The following MPP7 variants were observed in gnomAD, a reference collection of about 807,000 sequenced individuals.
MPP7 encodes MAGUK p55 subfamily member 7.
MPP7 carries 60 observed loss-of-function variants against 76.5 expected under a neutral mutation model. The observed-to-expected ratio is 0.78, with a 90% CI of 0.64 to 0.97. The LOEUF is 0.97. Ranked by LOEUF, MPP7 falls within the 50% of genes least tolerant of loss-of-function variation. The pLI is 0.00. For missense variants in MPP7, 641 were observed against 694.0 expected, an observed-to-expected ratio of 0.92 and a Z score of 0.86; for synonymous variants, 237 against 244.5, an observed-to-expected ratio of 0.97 and a Z score of 0.29.
In MPP7 at chr10:28,051,254, A is replaced by C. The variant is rs1247445246; in HGVS notation, c.*2811T>G. On this transcript the variant is annotated 3_prime_UTR_variant, in exon 17 of 17. Transcript: ENST00000683449. ...AATCCTTCCTAGTCAAAATAAAATA[A>C]TAAAAATCTGTATCTTTAGAAAGAA... The C allele has an allele frequency of 6.6e-6, 1 of 152,220 alleles. No individual in the cohort carries two copies. The highest frequency in any genetic ancestry group is 1.5e-5 in the Non-Finnish European group (1 of 68,034). 9.4% of individuals were successfully genotyped at this position (152,220 alleles called of 1,614,324 possible).
At chr10:28,213,809 AAGAGAG>A (rs1211589640) in intron 2 of MPP7, among the ~76,000 whole-genome samples, 21 of 136,528 alleles carry the variant, frequency 1.5e-4, no homozygotes, top group South Asian at 2.3e-4. Flanking sequence ...AAAAAAAAAA[AAGAGAG>A]AGAGAGAGAG....
At chr10:28,280,150 C>T (rs1010074444) in intron 1 of MPP7, 14 of 151,936 alleles carry the variant, frequency 9.2e-5, no homozygotes, top group African/African-American at 3.1e-4. Flanking sequence ...CCTAACAGGA[C>T]AAAAATAAAG....
chr10:28,193,212 T>C (rs1472007311), intron 3 of MPP7, among the ~76,000 whole-genome samples: 1 of 139,178 alleles, frequency 7.2e-6, no homozygotes, highest in Non-Finnish European at 1.5e-5. Context: ...TGGTTGGTTT[T>C]TTGTTTTTTT....
chr10:28,249,760 C>G (rs780442742), intron 1 of MPP7, among the ~76,000 whole-genome samples: 36 of 152,152 alleles, frequency 2.4e-4, no homozygotes, highest in Non-Finnish European at 4.9e-4. Context: ...CTTCTGCTGA[C>G]CTGGGCTTCT....
At chr10:28,080,716 A>G (rs1852721085) in intron 12 of MPP7, among the ~76,000 whole-genome samples, 1 of 152,210 alleles carries the variant, frequency 6.6e-6, no homozygotes, top group Non-Finnish European at 1.5e-5. Flanking sequence ...AGATTGGCCA[A>G]CGGCATAAAA....
At chr10:28,248,410 A>G (rs1839506475) in intron 1 of MPP7, among the ~76,000 whole-genome samples, 1 of 152,166 alleles carries the variant, frequency 6.6e-6, no homozygotes, top group African/African-American at 2.4e-5. Flanking sequence ...AACGCCAAGC[A>G]GGAGGCTTTG....
chr10:28,213,809 A>AAGAGAGAGAG (rs1211589640), intron 2 of MPP7, among the ~76,000 whole-genome samples: 1 of 136,464 alleles, frequency 7.3e-6, no homozygotes, highest in Non-Finnish European at 1.6e-5. Flanking sequence ...AAAAAAAAAA[A>AAGAGAGAGAG]AGAGAGAGAG....
chr10:28,106,592 C>A (rs1308613256), intron 11 of MPP7, among the ~76,000 whole-genome samples: 1 of 152,178 alleles, frequency 6.6e-6, no homozygotes, highest in Non-Finnish European at 1.5e-5. Flanking sequence ...CAGTTAACCA[C>A]AATTATTTCC....
At chr10:28,298,454 A>G (rs147271761) in intron 1 of MPP7, among the ~76,000 whole-genome samples, 5 of 152,288 alleles carry the variant, frequency 3.3e-5, no homozygotes, top group Non-Finnish European at 7.4e-5. Context: ...GTTCAATGGT[A>G]CCCTTTCTTC....
chr10:28,330,043 G>A (rs190434971), intron 1 of MPP7: 3 of 152,274 alleles, frequency 2.0e-5, no homozygotes, highest in African/African-American at 4.8e-5. Context: ...ATTCGGTGAG[G>A]TGCTGTTAAT....
upstream of MPP7, among the ~76,000 whole-genome samples, chr10:28,306,668 T>TAGAGAG (rs55731439): frequency 0.093 from 13,869 of 148,440 alleles, 1,287 homozygotes; most frequent in East Asian, 0.47. Context: ...GATAGATAGA[T>TAGAGAG]AGAGAGAGAG....
At chr10:28,091,732 A>AT (rs1853315983) in intron 11 of MPP7, among the ~76,000 whole-genome samples, 1 of 152,174 alleles carries the variant, frequency 6.6e-6, no homozygotes, top group African/African-American at 2.4e-5. Context: ...ATGGACTGAA[A>AT]TTTTTTAACT....
At chr10:28,204,715 T>C (rs1837892268) in intron 2 of MPP7, among the ~76,000 whole-genome samples, 1 of 152,214 alleles carries the variant, frequency 6.6e-6, no homozygotes, top group Non-Finnish European at 1.5e-5. Flanking sequence ...TTGTAAGAAT[T>C]CTATAGAGCA....
chr10:28,291,986 G>A (rs912860021), intron 1 of MPP7, among the ~76,000 whole-genome samples: 1 of 152,194 alleles, frequency 6.6e-6, no homozygotes, highest in Non-Finnish European at 1.5e-5. Flanking sequence ...CTCACCCAGA[G>A]CAACTTCCAG....
At chr10:28,254,004 GAAA>G (rs199511617) in intron 1 of MPP7, among the ~76,000 whole-genome samples, 2,675 of 92,286 alleles carry the variant, frequency 0.029, 17 homozygotes, top group African/African-American at 0.068. Flanking sequence ...TCACAAAAAA[GAAA>G]AAAAAAAAAA....
At chr10:28,155,657 T>C (rs1351697502) in intron 3 of MPP7, among the ~76,000 whole-genome samples, 1 of 150,832 alleles carries the variant, frequency 6.6e-6, no homozygotes, top group Non-Finnish European at 1.5e-5. Flanking sequence ...CTTGGGCCAA[T>C]TTGTGCTTCA....
chr10:28,329,875 A>G (rs1834455976), intron 2 of MPP7: 2 of 152,230 alleles, frequency 1.3e-5, no homozygotes, highest in Non-Finnish European at 2.9e-5. Flanking sequence ...ATATAAATAT[A>G]AAGGCTTGGG....
At chr10:28,129,656 G>T (rs541161909) in intron 6 of MPP7, among the ~76,000 whole-genome samples, 1 of 152,114 alleles carries the variant, frequency 6.6e-6, no homozygotes, top group South Asian at 2.1e-4. Flanking sequence ...TCCTCAAGTA[G>T]GTGGCACAGT....
chr10:28,216,863 C>T (rs1484744213), intron 2 of MPP7, among the ~76,000 whole-genome samples: 8 of 151,810 alleles, frequency 5.3e-5, no homozygotes, highest in Non-Finnish European at 1.5e-5. Flanking sequence ...CATTGTTATC[C>T]TCATTTTTTT....
Sources: gnomAD v4.1 joint callset for allele counts (sites outside exome capture counted in the v4.1 genomes callset) on GRCh38, gnomAD v4.1.1 for gene constraint, MANE v1.5 for transcripts, NCBI Gene and HGNC (gene_info 2026-07-23, HGNC 2026-07-21) for gene names.